The following PHLPP1 variants were observed in gnomAD, a reference collection of about 807,000 sequenced individuals.
The protein encoded by PHLPP1 is PH domain and leucine rich repeat protein phosphatase 1, also known as PH domain leucine-rich repeat-containing protein phosphatase 1.
PHLPP1 carries 42 observed loss-of-function variants against 117.2 expected under a neutral mutation model. The observed-to-expected ratio is 0.36, with a 90% CI of 0.28 to 0.46. The LOEUF is 0.46. PHLPP1 is among the 20% of genes least tolerant of loss of function. The probability of loss-of-function intolerance (pLI) is 1.00; values close to 1 mark genes in which losing one functional copy is unlikely to be tolerated. For synonymous variants in PHLPP1, 1,042 were observed against 970.7 expected (o/e 1.07, Z -1.37); for missense variants, 2,084 against 2,241.9 (o/e 0.93, Z 1.42).
rs1201940335 is a variant in PHLPP1, at chr18:62,978,083, T to TGTCCTAGCAGCTAC, written c.3985-179_3985-178insGTCCTAGCAGCTAC. On this transcript the variant is annotated intron_variant, in intron 16 of 16. Transcript: ENST00000262719. This position sits in a 1 kb window ranked among gnomAD's most constrained non-coding sequence, Gnocchi z 7.0. ...CTGCCCAGGCCTACTACCTGGGGTT[T>TGTCCTAGCAGCTAC]CTGATGACAGGTGCACATTAACTAC... 6.6e-6 allele frequency among the ~76,000 whole-genome samples: 1 copy of TGTCCTAGCAGCTAC among 152,174 alleles called. No individual in the cohort carries two copies. The highest frequency in any genetic ancestry group is 6.5e-5 in the Admixed American group (1 of 15,278).
chr18:62,895,213 T>A, intron 5 of PHLPP1, 56 bp downstream of exon 5: 2 of 1,556,566 alleles, frequency 1.3e-6, no homozygotes, highest in Non-Finnish European at 1.8e-6. Flanking sequence ...GGAAGCTGCA[T>A]TGGGGGTGTG....
intron 14 of PHLPP1, among the ~76,000 whole-genome samples, chr18:62,965,550 C>A (rs1355064965): frequency 2.7e-5 from 4 of 147,460 alleles, no homozygotes; most frequent in Non-Finnish European, 5.9e-5. Context: ...ATTTCTGCCT[C>A]CCGGGTTCAA....
intron 10 of PHLPP1, among the ~76,000 whole-genome samples, chr18:62,940,656 G>C (rs556495413): frequency 9.9e-5 from 15 of 152,172 alleles, no homozygotes; most frequent in Admixed American, 5.2e-4. Context: ...GAGCCACCAC[G>C]CCTGGCCTTT....
At chr18:62,867,905 A>G (rs1915806770) in intron 4 of PHLPP1, among the ~76,000 whole-genome samples, 1 of 151,840 alleles carries the variant, frequency 6.6e-6, no homozygotes, top group Admixed American at 6.6e-5. Context: ...TCCGCCTCCC[A>G]GATTCACGCC....
intron 1 of PHLPP1, among the ~76,000 whole-genome samples, chr18:62,736,878 G>A (rs1200200364): frequency 6.6e-6 from 1 of 152,098 alleles, no homozygotes; most frequent in Admixed American, 6.5e-5. Flanking sequence ...TTTCTTCTAG[G>A]AGCCATTTAT....
intron 1 of PHLPP1, among the ~76,000 whole-genome samples, chr18:62,753,518 C>G (rs181222427): frequency 1.1e-4 from 16 of 152,306 alleles, no homozygotes; most frequent in African/African-American, 3.6e-4. Flanking sequence ...GTCCTGTTCC[C>G]TAGCAGATGT....
intron 1 of PHLPP1, among the ~76,000 whole-genome samples, chr18:62,777,236 A>G (rs1033359489): frequency 6.6e-6 from 1 of 152,200 alleles, no homozygotes; most frequent in Non-Finnish European, 1.5e-5. Flanking sequence ...AATTTGAGCC[A>G]TTCTAATGAG....
intron 1 of PHLPP1, among the ~76,000 whole-genome samples, chr18:62,758,835 A>G (rs1369840243): frequency 1.3e-5 from 2 of 152,210 alleles, no homozygotes; most frequent in East Asian, 1.9e-4. Flanking sequence ...AGGATAATGA[A>G]CCAAATGCAA....
chr18:62,766,104 A>ATATATATATTATATATATATATATAT (rs1289379653), intron 1 of PHLPP1, among the ~76,000 whole-genome samples: 1 of 40,978 alleles, frequency 2.4e-5, no homozygotes, highest in Non-Finnish European at 5.5e-5. Context: ...TATATATATA[A>ATATATATATTATATATATATATATAT]AATATATATA....
chr18:62,881,411 AATTT>A (rs1203572243), intron 4 of PHLPP1, among the ~76,000 whole-genome samples: 1 of 152,034 alleles, frequency 6.6e-6, no homozygotes, highest in Non-Finnish European at 1.5e-5. Context: ...AGCTTTGGTA[AATTT>A]ATTCTGATTT....
In PHLPP1 at chr18:62,870,307, C is replaced by T. The variant is rs146011573; in HGVS notation, c.2066+9706C>T. Among the ~76,000 whole-genome samples, 11 of 152,252 alleles carry T rather than the reference C, an allele frequency of 7.2e-5. No individual in the cohort carries two copies. In the East Asian group the frequency reaches 2.1e-3, roughly 29 times the overall value. ...AGAGTAATAAGTTGATAAGTACACACATGCATATATACCCCCCTCTTATAT... is the reference window on the plus strand; with the variant it reads ...AGAGTAATAAGTTGATAAGTACACATATGCATATATACCCCCCTCTTATAT... On this transcript the variant is annotated intron_variant, in intron 4 of 16. Transcript: ENST00000262719.
At chr18:62,848,147 A>C (rs555296421) in intron 3 of PHLPP1, among the ~76,000 whole-genome samples, 1 of 152,284 alleles carries the variant, frequency 6.6e-6, no homozygotes, top group Admixed American at 6.5e-5. Flanking sequence ...ATCAGCACAG[A>C]GTATGTGACC....
intron 4 of PHLPP1, among the ~76,000 whole-genome samples, chr18:62,881,878 A>G (rs1193827042): frequency 1.3e-5 from 2 of 152,232 alleles, no homozygotes; most frequent in Non-Finnish European, 1.5e-5. Flanking sequence ...AACAGTGTGA[A>G]AGCCAAAAGG....
intron 1 of PHLPP1, among the ~76,000 whole-genome samples, chr18:62,786,871 T>C (rs1913302619): frequency 6.6e-6 from 1 of 152,194 alleles, no homozygotes; most frequent in Non-Finnish European, 1.5e-5. Context: ...AAATTTCTGA[T>C]GTAACATAAT....
chr18:62,967,180 G>A (rs1175849716), intron 14 of PHLPP1, among the ~76,000 whole-genome samples: 1 of 152,184 alleles, frequency 6.6e-6, no homozygotes, highest in South Asian at 2.1e-4. Context: ...TAGCAATTGC[G>A]AATGAAAGTG....
intron 1 of PHLPP1, among the ~76,000 whole-genome samples, chr18:62,766,092 T>A (rs1396273649): frequency 1.0e-4 from 8 of 77,444 alleles, no homozygotes; most frequent in East Asian, 4.4e-4. Context: ...TATATATATA[T>A]ATATATATAT....
At chr18:62,921,864 A>T (rs1288946672) in intron 10 of PHLPP1, among the ~76,000 whole-genome samples, 1 of 152,238 alleles carries the variant, frequency 6.6e-6, no homozygotes, top group African/African-American at 2.4e-5. Context: ...CCTTACCCAG[A>T]ACAAGATATA....
intron 8 of PHLPP1, among the ~76,000 whole-genome samples, chr18:62,912,299 T>C (rs1916975469): frequency 1.1e-5 from 1 of 87,944 alleles, no homozygotes; most frequent in Admixed American, 1.2e-4. Context: ...ACTTAGAGTA[T>C]AATAAAAAAA....
intron 4 of PHLPP1, among the ~76,000 whole-genome samples, chr18:62,870,770 A>G (rs1915884036): frequency 6.6e-6 from 1 of 152,200 alleles, no homozygotes; most frequent in Admixed American, 6.5e-5. Flanking sequence ...TTAAATTGGT[A>G]TTTGCACCAA....
Sources: gnomAD v4.1 joint callset for allele counts (sites outside exome capture counted in the v4.1 genomes callset) on GRCh38, gnomAD v4.1.1 for gene constraint, Gnocchi (gnomAD v3.1) non-coding constraint, MANE v1.5 for transcripts, NCBI Gene and HGNC (gene_info 2026-07-23, HGNC 2026-07-21) for gene names.